MPP7: variants seen among roughly 807,000 people sequenced by gnomAD.
MPP7 encodes MAGUK p55 subfamily member 7.
Under a neutral mutation model 76.5 loss-of-function variants are expected in MPP7, and 60 were observed. The observed-to-expected ratio is 0.78, with a 90% CI of 0.64 to 0.97. The LOEUF (loss-of-function observed/expected upper bound fraction) is 0.97. Ranked by LOEUF, MPP7 falls within the 50% of genes least tolerant of loss-of-function variation. The pLI, the probability that MPP7 is intolerant of heterozygous loss-of-function variation, is 0.00. For synonymous variants in MPP7, 237 were observed against 244.5 expected (o/e 0.97, Z 0.29); for missense variants, 641 against 694.0 (o/e 0.92, Z 0.86).
chr10:28,229,733 C>CA (rs1838813455), intron 2 of MPP7, among the ~76,000 whole-genome samples: 1 of 151,782 alleles, frequency 6.6e-6, no homozygotes, highest in African/African-American at 2.4e-5. Context: ...ACTAAAAATA[C>CA]AAAAAATTAG....
chr10:28,224,374 C>G (rs1838619121), intron 2 of MPP7, among the ~76,000 whole-genome samples: 2 of 150,802 alleles, frequency 1.3e-5, no homozygotes, highest in African/African-American at 4.9e-5. Context: ...AAAAAAAAAC[C>G]TAGAGAAACT....
intron 1 of MPP7, among the ~76,000 whole-genome samples, chr10:28,279,225 CAGA>C (rs1428593150): frequency 6.6e-6 from 1 of 152,044 alleles, no homozygotes; most frequent in Non-Finnish European, 1.5e-5. Context: ...GAGGAAGATT[CAGA>C]AGGACGAAGC....
intron 1 of MPP7, among the ~76,000 whole-genome samples, chr10:28,284,990 T>C (rs1413764116): frequency 6.6e-6 from 1 of 152,240 alleles, no homozygotes; most frequent in East Asian, 1.9e-4. Flanking sequence ...ATGACTTTTC[T>C]ATTAATAGTT....
intron 12 of MPP7, among the ~76,000 whole-genome samples, chr10:28,081,346 A>C (rs777780788): frequency 1.4e-4 from 22 of 152,164 alleles, no homozygotes; most frequent in Non-Finnish European, 8.8e-5. Context: ...ACTTTTCAAA[A>C]AGTTGGGTTT....
chr10:28,089,253 G>GA (rs1302222268), intron 12 of MPP7, among the ~76,000 whole-genome samples: 4 of 152,128 alleles, frequency 2.6e-5, no homozygotes, highest in African/African-American at 9.7e-5. Context: ...TCTCTAGCTT[G>GA]AAATATCCTA....
chr10:28,113,811 C>T (rs926818390), intron 11 of MPP7, among the ~76,000 whole-genome samples: 2 of 152,204 alleles, frequency 1.3e-5, no homozygotes, highest in African/African-American at 4.8e-5. Flanking sequence ...TAATTCAATG[C>T]TATGCTAATC....
At chr10:28,134,414 A>C (rs900440219) in intron 5 of MPP7, among the ~76,000 whole-genome samples, 1 of 152,160 alleles carries the variant, frequency 6.6e-6, no homozygotes, top group African/African-American at 2.4e-5. Context: ...CCCAGTCTTT[A>C]TCAGTTACAT....
At chr10:28,257,595 TG>T (rs1222437259) in intron 1 of MPP7, among the ~76,000 whole-genome samples, 1 of 58,434 alleles carries the variant, frequency 1.7e-5, no homozygotes, top group East Asian at 5.8e-4. Context: ...GGGACTGTGG[TG>T]GGGTGGGGGG....
intron 1 of MPP7, among the ~76,000 whole-genome samples, chr10:28,279,606 G>A (rs780284975): frequency 1.3e-5 from 2 of 151,754 alleles, no homozygotes; most frequent in Non-Finnish European, 2.9e-5. Flanking sequence ...TCAGGAGGCC[G>A]AGGCAGTAGA....
intron 2 of MPP7, among the ~76,000 whole-genome samples, chr10:28,314,455 C>T (rs759242226): frequency 3.9e-5 from 6 of 152,206 alleles, no homozygotes; most frequent in Non-Finnish European, 7.3e-5. Context: ...ATGGCACCGC[C>T]TCCTGGAGTG....
intron 3 of MPP7, among the ~76,000 whole-genome samples, chr10:28,152,188 C>T (rs1214687722): frequency 6.6e-6 from 1 of 152,188 alleles, no homozygotes; most frequent in Non-Finnish European, 1.5e-5. Flanking sequence ...CTTCCATCAT[C>T]TTCTCCAGAT....
intron 11 of MPP7, among the ~76,000 whole-genome samples, chr10:28,112,101 G>A (rs922190470): frequency 5.9e-5 from 9 of 152,122 alleles, no homozygotes; most frequent in East Asian, 1.9e-4. Context: ...ATTCAGGCTC[G>A]TGCTTTGAAT....
intron 5 of MPP7, among the ~76,000 whole-genome samples, chr10:28,147,263 C>T (rs531707412): frequency 6.6e-6 from 1 of 152,168 alleles, no homozygotes; most frequent in Non-Finnish European, 1.5e-5. Context: ...TTTGACAGAA[C>T]TTAAATTCTG....
At chr10:28,121,314 A>G (rs1834831584) in intron 8 of MPP7, among the ~76,000 whole-genome samples, 1 of 151,332 alleles carries the variant, frequency 6.6e-6, no homozygotes, top group African/African-American at 2.4e-5. Flanking sequence ...ATACAGTTAC[A>G]TTTAAGTATC....
Position 28,222,446 on chromosome 10 carries a change from T to A in MPP7, c.37+16122A>T, listed in dbSNP as rs113082798. On this transcript the variant is annotated intron_variant, in intron 2 of 16. Transcript: ENST00000683449. Reference sequence around the variant, plus strand: ...CTGCAGTGAGCCCTGATTGCGCCAATGCACTCCAGCCAGGGTGACAGAGTG... The same window carrying A: ...CTGCAGTGAGCCCTGATTGCGCCAAAGCACTCCAGCCAGGGTGACAGAGTG... Among the ~76,000 whole-genome samples the A allele has an allele frequency of 4.5e-3, 677 of 151,822 alleles. 8 individuals are homozygous for A. Among genetic ancestry groups the A allele is most frequent in the African/African-American group, 0.015 (638 of 41,368 alleles).
chr10:28,252,132 G>A (rs1027715754), intron 1 of MPP7, among the ~76,000 whole-genome samples: 2 of 152,148 alleles, frequency 1.3e-5, no homozygotes, highest in Non-Finnish European at 2.9e-5. Context: ...ACATTGCTTA[G>A]TTATCAAATG....
In MPP7 at chr10:28,063,479, T is replaced by G. The variant is rs1588713071; in HGVS notation, c.1205-3736A>C. Among the ~76,000 whole-genome samples the G allele has an allele frequency of 6.9e-5, 10 of 144,512 alleles. No homozygotes were observed. In the South Asian group the frequency reaches 1.1e-3, roughly 16 times the overall value. 94.8% of individuals were successfully genotyped at this position (144,512 alleles called of 152,430 possible). ...TCTGTCTCAAAAAAAAAAAAAAAAG[T>G]CAAAAGATTTGAACACGCACTTTAC... is the stretch of plus-strand genomic sequence containing the variant. On this transcript the variant is annotated intron_variant, in intron 13 of 16. Coordinates refer to ENST00000683449, the MANE Select transcript of MPP7 (RefSeq NM_001318170.2).
intron 3 of MPP7, among the ~76,000 whole-genome samples, chr10:28,151,423 CTT>C (rs1180064857): frequency 1.3e-5 from 2 of 152,148 alleles, no homozygotes; most frequent in South Asian, 2.1e-4. Flanking sequence ...GCTAAATTCA[CTT>C]TGTTTAAATA....
intron 1 of MPP7, among the ~76,000 whole-genome samples, chr10:28,291,392 G>A (rs1441580376): frequency 6.6e-6 from 1 of 152,128 alleles, no homozygotes; most frequent in East Asian, 1.9e-4. Flanking sequence ...GATCACTTGA[G>A]GCCAGGAGAT....
Sources: allele counts gnomAD v4.1 joint callset (sites outside exome capture counted in the v4.1 genomes callset), GRCh38; gene constraint gnomAD v4.1.1; transcripts MANE v1.5; gene names NCBI Gene and HGNC (gene_info 2026-07-23, HGNC 2026-07-21).